INTS14: variants seen among roughly 807,000 people sequenced by gnomAD.
INTS14 encodes the protein integrator complex subunit 14.
INTS14 carries 27 observed loss-of-function variants against 56.9 expected under a neutral mutation model. That is an observed-to-expected ratio of 0.47 (90% confidence interval 0.35 to 0.65). The LOEUF (loss-of-function observed/expected upper bound fraction) is 0.65, where lower values mean the gene tolerates loss of function less well. Among genes scored for constraint, INTS14 ranks in the 30% least tolerant of loss-of-function variants. INTS14 has a pLI of 0.00. For synonymous variants in INTS14, 207 were observed against 236.2 expected (o/e 0.88, Z 1.13); for missense variants, 517 against 632.2 (o/e 0.82, Z 1.95).
At chr15:65,591,538 C>T (rs2073029084) in intron 9 of INTS14, 60 bp downstream of exon 9, 2 of 1,583,072 alleles carry the variant, frequency 1.3e-6, no homozygotes, top group Non-Finnish European at 1.7e-6. Context: ...CAGTCAGAGA[C>T]ATTGAGAACA....
At chr15:65,589,321 C>A (rs529859144) in intron 9 of INTS14, among the ~76,000 whole-genome samples, 57 of 152,278 alleles carry the variant, frequency 3.7e-4, no homozygotes, top group Non-Finnish European at 6.9e-4. Flanking sequence ...CCATGCCCAG[C>A]AAATTTTTGT....
chr15:65,603,154 C>T (rs1196265271), intron 3 of INTS14, among the ~76,000 whole-genome samples: 2 of 152,094 alleles, frequency 1.3e-5, no homozygotes, highest in East Asian at 3.8e-4. Context: ...GCTGAGATGC[C>T]ATAAAAAGCT....
chr15:65,605,981 C>T (rs938022307), intron 2 of INTS14, among the ~76,000 whole-genome samples: 3 of 152,024 alleles, frequency 2.0e-5, no homozygotes, highest in African/African-American at 4.8e-5. Context: ...TAAGGCCGGG[C>T]GCGGTGGCTC....
chr15:65,580,912 T>C (rs2072581845), intron 11 of INTS14, among the ~76,000 whole-genome samples: 1 of 152,246 alleles, frequency 6.6e-6, no homozygotes, highest in Non-Finnish European at 1.5e-5. Flanking sequence ...AATTCATAAA[T>C]GTGTAATGTT....
At chr15:65,596,623 T>A (rs2073221512) in intron 6 of INTS14, among the ~76,000 whole-genome samples, 2 of 152,142 alleles carry the variant, frequency 1.3e-5, no homozygotes, top group African/African-American at 4.8e-5. Context: ...CAGGCTGGAG[T>A]GCAATGGCGC....
chr15:65,596,577 T>C (rs1349070461), intron 6 of INTS14, among the ~76,000 whole-genome samples: 1 of 152,184 alleles, frequency 6.6e-6, no homozygotes, highest in African/African-American at 2.4e-5. Context: ...ATATTTCTTT[T>C]TTCTTTTTTT....
intron 3 of INTS14, among the ~76,000 whole-genome samples, chr15:65,601,105 T>C (rs1225757921): frequency 1.3e-5 from 2 of 152,202 alleles, no homozygotes; most frequent in African/African-American, 4.8e-5. Flanking sequence ...AGTTAGAATA[T>C]GTATTTATAA....
intron 1 of INTS14, chr15:65,610,535 T>C: frequency 3.4e-6 from 2 of 590,584 alleles, no homozygotes; most frequent in East Asian, 6.6e-5. Context: ...AAATAGGCCC[T>C]AGCCACCTAT....
chr15:65,601,425 C>A (rs1230265230), intron 3 of INTS14, among the ~76,000 whole-genome samples: 1 of 152,168 alleles, frequency 6.6e-6, no homozygotes, highest in Non-Finnish European at 1.5e-5. Context: ...TCACTGCAAC[C>A]TCCGCCTCCC....
chr15:65,592,785 G>A (rs1164702130), intron 8 of INTS14, among the ~76,000 whole-genome samples: 1 of 152,056 alleles, frequency 6.6e-6, no homozygotes, highest in Non-Finnish European at 1.5e-5. Context: ...TAGATGAGAA[G>A]TCTGTGAATC....
At chr15:65,602,885 G>A (rs1050058683) in intron 3 of INTS14, among the ~76,000 whole-genome samples, 12 of 152,008 alleles carry the variant, frequency 7.9e-5, no homozygotes, top group African/African-American at 1.9e-4. Context: ...TTGCCCTCAC[G>A]TTGTCTCAAA....
chr15:65,594,397 CTTT>C (rs35506776), intron 7 of INTS14, among the ~76,000 whole-genome samples: 2 of 144,584 alleles, frequency 1.4e-5, no homozygotes, highest in Non-Finnish European at 1.5e-5. Flanking sequence ...CTTTTTCTTT[CTTT>C]TTTTTTTTTT....
chr15:65,597,524 G>A (rs979627427), intron 6 of INTS14, among the ~76,000 whole-genome samples: 3 of 152,166 alleles, frequency 2.0e-5, no homozygotes, highest in African/African-American at 7.2e-5. Flanking sequence ...GTTAAGCATA[G>A]TATTGGCAAC....
intron 6 of INTS14, 71 bp downstream of exon 6, chr15:65,598,250 G>C: frequency 6.8e-7 from 1 of 1,469,748 alleles, no homozygotes; most frequent in Non-Finnish European, 9.4e-7. Flanking sequence ...AGAGAAGAGA[G>C]TAAAAGTCAC....
intron 1 of INTS14, among the ~76,000 whole-genome samples, chr15:65,607,787 A>T (rs551575517): frequency 3.9e-5 from 6 of 152,222 alleles, no homozygotes; most frequent in Non-Finnish European, 8.8e-5. Flanking sequence ...ACTGAAGAAC[A>T]TTTCTAGTTG....
chr15:65,581,107 C>T (rs531798303), intron 11 of INTS14, among the ~76,000 whole-genome samples: 5 of 151,692 alleles, frequency 3.3e-5, no homozygotes, highest in East Asian at 3.9e-4. Context: ...AGGCCGGGAA[C>T]GGTGGCTCAC....
At chr15:65,581,847 G>C (rs527866354) in intron 11 of INTS14, 107 bp downstream of exon 11, 2 of 1,115,774 alleles carry the variant, frequency 1.8e-6, no homozygotes, top group East Asian at 4.9e-5. Context: ...AAAAAACTGA[G>C]GCACAAGTCA....
Position 65,579,481 on chromosome 15 carries a change from T to G in INTS14, c.1484A>C (p.Glu495Ala), listed in dbSNP as rs1173929571. 1.9e-6 allele frequency: 3 copies of G among 1,614,122 alleles called. No homozygotes were observed. Among genetic ancestry groups the G allele is most frequent in the African/African-American group, 1.3e-5 (1 of 74,944 alleles). ...QLKLASTGTS[E>A]YAAYDQNITP... ...GATGTTCTGGTCATAAGCGGCATAC[T>G]CAGAGGTGCCGGTACTGGCCAGCTT... The change falls in exon 12 of 12, where the codon GAG (glutamate) becomes GCG (alanine). Residue 495 changes from glutamate (E) to alanine (A), a missense_variant. Coordinates refer to ENST00000313182, the MANE Select transcript of INTS14 (RefSeq NM_001394796.1).
chr15:65,600,951 T>A (rs1229227548), intron 3 of INTS14, among the ~76,000 whole-genome samples: 2 of 152,214 alleles, frequency 1.3e-5, no homozygotes, highest in Non-Finnish European at 2.9e-5. Context: ...GATAAGGAGT[T>A]GGTACCTAAC....
Sources: gnomAD v4.1 joint callset for allele counts (sites outside exome capture counted in the v4.1 genomes callset) on GRCh38, gnomAD v4.1.1 for gene constraint, MANE v1.5 for transcripts, NCBI Gene and HGNC (gene_info 2026-07-23, HGNC 2026-07-21) for gene names.